Variants in CPA3 observed in about 807,000 individuals in gnomAD.
The protein encoded by CPA3 is carboxypeptidase A3, also known as mast cell carboxypeptidase A.
A neutral mutation model predicts 55.8 loss-of-function variants in CPA3; 52 were observed. The observed-to-expected ratio is 0.93, with a 90% CI of 0.75 to 1.17. CPA3 has a LOEUF of 1.17. Ranked by LOEUF, CPA3 falls within the 50% of genes most tolerant of loss-of-function variation. The pLI is 0.00. For synonymous variants in CPA3, 179 were observed against 171.2 expected, an observed-to-expected ratio of 1.05 and a Z score of -0.36; for missense variants, 547 against 509.1, an observed-to-expected ratio of 1.07 and a Z score of -0.72.
intron 2 of CPA3, among the ~76,000 whole-genome samples, chr3:148,868,652 T>A (rs1713972624): frequency 6.6e-6 from 1 of 151,704 alleles, no homozygotes; most frequent in Non-Finnish European, 1.5e-5. Context: ...GATCTGCCCA[T>A]CCTTTTTAAC....
chr3:148,882,452 T>C lies in CPA3; in HGVS notation c.688-53T>C, dbSNP rs999344158. The C allele has an allele frequency of 6.7e-6, 10 of 1,492,060 alleles. No homozygotes were observed. In the East Asian group the frequency reaches 6.9e-5, roughly 10 times the overall value. The allele number at this position is 1,492,060 out of a possible 1,614,324, so 92.4% of individuals were successfully genotyped here. On this transcript the variant is annotated intron_variant, in intron 7 of 10. Transcript: ENST00000296046. ...GCAGAGAGAATTTGAAATGATCAAA[T>C]TGAAAAATGCAAACTGATCTTGTGT... is the stretch of plus-strand genomic sequence containing the variant.
intron 3 of CPA3, among the ~76,000 whole-genome samples, chr3:148,869,361 A>G (rs1451938702): frequency 6.6e-6 from 1 of 152,084 alleles, no homozygotes; most frequent in East Asian, 1.9e-4. Context: ...GTTTAGCCAC[A>G]TGTCATCACT....
chr3:148,881,548 A>T lies in CPA3; in HGVS notation c.603A>T (p.Lys201Asn), dbSNP rs1484086741. The T allele has an allele frequency of 3.1e-6, 5 of 1,612,384 alleles. No individual in the cohort carries two copies. Among genetic ancestry groups the T allele is most frequent in the Non-Finnish European group, 4.2e-6 (5 of 1,179,168 alleles). The change falls in exon 7 of 11, where the codon AAA (lysine) becomes AAT (asparagine). Residue 201 changes from lysine (K) to asparagine (N), a missense_variant. Lys to Asn is a moderately conservative substitution (Grantham distance 94). Coordinates refer to ENST00000296046, the MANE Select transcript of CPA3 (RefSeq NM_001870.4). ...YQATKTYGRN[K>N]IMTKLLDRMN... ...CAACCAAAACTTATGGGAGAAACAA[A>T]ATTATGACCAAACTCTTGGACCGAA...
intron 10 of CPA3, among the ~76,000 whole-genome samples, chr3:148,893,066 A>G (rs1359025813): frequency 6.6e-6 from 1 of 152,222 alleles, no homozygotes; most frequent in Non-Finnish European, 1.5e-5. Flanking sequence ...TGAAGATTTA[A>G]GTTACAATTT....
At position 148,883,662 on chromosome 3, in the gene CPA3, A is replaced by C. The variant is rs1714437246; in HGVS notation, c.828A>C (p.Ala276=). 6.2e-7 allele frequency: 1 copy of C among 1,614,122 alleles called. No individual in the cohort carries two copies. The change falls in exon 9 of 11, where the codon GCA becomes GCC. Residue 276 remains alanine (A), a synonymous_variant. Transcript: ENST00000296046. Reference sequence around the variant, plus strand: ...GTGCAGATAACTATCGGGGCTCTGCACCAGAGTCCGAGAAAGAGACGAAAG... The same window carrying C: ...GTGCAGATAACTATCGGGGCTCTGCCCCAGAGTCCGAGAAAGAGACGAAAG... The part of the protein sequence containing the change: ...DPCADNYRGS[A]PESEKETKAV...
chr3:148,867,964 C>T (rs1008144775), intron 2 of CPA3, among the ~76,000 whole-genome samples: 6 of 152,144 alleles, frequency 3.9e-5, no homozygotes, highest in Non-Finnish European at 8.8e-5. Context: ...AGCGAGATCT[C>T]GGCTCACTGC....
intron 3 of CPA3, among the ~76,000 whole-genome samples, chr3:148,869,394 T>C (rs1713998678): frequency 6.6e-6 from 1 of 152,016 alleles, no homozygotes; most frequent in Non-Finnish European, 1.5e-5. Flanking sequence ...TCGGCCCAGA[T>C]CTCATGAGCT....
intron 9 of CPA3, among the ~76,000 whole-genome samples, chr3:148,885,046 G>A (rs1714490996): frequency 6.6e-6 from 1 of 152,090 alleles, no homozygotes; most frequent in Non-Finnish European, 1.5e-5. Context: ...CACTCTCATA[G>A]CACAAAACAC....
chr3:148,870,703 A>G (rs1004124366), intron 3 of CPA3, among the ~76,000 whole-genome samples: 1 of 152,150 alleles, frequency 6.6e-6, no homozygotes, highest in Non-Finnish European at 1.5e-5. Flanking sequence ...CCAGCTTTTA[A>G]CCCTTTTAAC....
In CPA3 at chr3:148,878,562, G is replaced by A; in HGVS notation, c.372+19G>A. 1 of 1,584,982 alleles carries A rather than the reference G, an allele frequency of 6.3e-7. No individual in the cohort carries two copies. Among genetic ancestry groups the A allele is most frequent in the Non-Finnish European group, 8.6e-7 (1 of 1,158,508 alleles). ...GGAAAAGGTACAGTAAAAAATGCCT[G>A]TACTTTTTTTTAAGTTACCCTTAAT... On this transcript the variant is annotated intron_variant, in intron 4 of 10. Transcript: ENST00000296046.
intron 3 of CPA3, among the ~76,000 whole-genome samples, chr3:148,871,848 A>G (rs116487888): frequency 0.042 from 6,385 of 152,318 alleles, 177 homozygotes; most frequent in East Asian, 0.096. Context: ...GAACTACTTA[A>G]AATCTTGTCT....
In CPA3 at chr3:148,883,672, G is replaced by A. The variant is rs779547580; in HGVS notation, c.838G>A (p.Glu280Lys). 85 of 1,613,958 alleles carry A rather than the reference G, an allele frequency of 5.3e-5. No individual in the cohort carries two copies. Among genetic ancestry groups the A allele is most frequent in the Non-Finnish European group, 6.9e-5 (81 of 1,179,978 alleles). The change falls in exon 9 of 11, where the codon GAG (glutamate) becomes AAG (lysine). Residue 280 changes from glutamate to lysine, a missense_variant. Physicochemically the swap from Glu to Lys is moderately conservative, Grantham distance 56 (BLOSUM62 1). Coordinates refer to ENST00000296046, the MANE Select transcript of CPA3 (RefSeq NM_001870.4). ...CTATCGGGGCTCTGCACCAGAGTCC[G>A]AGAAAGAGACGAAAGCTGTCACTAA... ...DNYRGSAPESEKETKAVTNFI... is the reference protein window; with the variant it reads ...DNYRGSAPESKKETKAVTNFI...
intron 7 of CPA3, 122 bp from the exon 8 acceptor site, chr3:148,882,383 C>A (rs1236458652): frequency 3.3e-6 from 2 of 615,120 alleles, no homozygotes; most frequent in Non-Finnish European, 5.7e-6. Flanking sequence ...TAATAAAGGG[C>A]CTCAAGTTAA....
At position 148,881,596 on chromosome 3, in the gene CPA3, G is replaced by A. The variant is rs1223012993; in HGVS notation, c.651G>A (p.Val217=). 4 of 1,612,458 alleles carry A rather than the reference G, an allele frequency of 2.5e-6. No individual in the cohort carries two copies. In the South Asian group the frequency reaches 4.4e-5, roughly 18 times the overall value. The change falls in exon 7 of 11, where the codon GTG becomes GTA. Residue 217 remains valine, a synonymous_variant. Transcript: ENST00000296046. ...GAATGAATTTTTACATTCTTCCTGT[G>A]TTCAATGTTGATGGATATATTTGGT... ...LDRMNFYILP[V]FNVDGYIWSW...
chr3:148,872,666 T>C (rs1310640867), intron 3 of CPA3, among the ~76,000 whole-genome samples: 1 of 152,186 alleles, frequency 6.6e-6, no homozygotes, highest in East Asian at 1.9e-4. Context: ...ATCATTCTAA[T>C]GTGTCATTCC....
At chr3:148,871,995 TA>T (rs1352876043) in intron 3 of CPA3, among the ~76,000 whole-genome samples, 3 of 152,188 alleles carry the variant, frequency 2.0e-5, no homozygotes, top group Non-Finnish European at 2.9e-5. Flanking sequence ...TAAACCATAT[TA>T]AAAGGCTGGT....
chr3:148,867,021 G>C (rs1392714136), intron 2 of CPA3, among the ~76,000 whole-genome samples: 1 of 152,176 alleles, frequency 6.6e-6, no homozygotes, highest in Non-Finnish European at 1.5e-5. Context: ...CTCCCAAAAT[G>C]CTGGGATTAC....
chr3:148,877,250 C>T (rs1714233108), intron 3 of CPA3, among the ~76,000 whole-genome samples: 1 of 152,224 alleles, frequency 6.6e-6, no homozygotes, highest in Non-Finnish European at 1.5e-5. Context: ...AATCCCAGCA[C>T]TTCAGGAGGC....
intron 10 of CPA3, among the ~76,000 whole-genome samples, chr3:148,887,257 A>T (rs79232779): frequency 1.5e-3 from 233 of 152,322 alleles, no homozygotes; most frequent in Admixed American, 2.7e-3. Context: ...ACTATGTGCC[A>T]ATAAAACCTC....
Sources: gnomAD v4.1 joint callset for allele counts (sites outside exome capture counted in the v4.1 genomes callset) on GRCh38, gnomAD v4.1.1 for gene constraint, MANE v1.5 for transcripts, NCBI Gene and HGNC (gene_info 2026-07-23, HGNC 2026-07-21) for gene names.